Variants in SLC12A2 observed in about 807,000 individuals in gnomAD.
SLC12A2 encodes the protein solute carrier family 12 member 2, also known as Na-K-2Cl cotransporter 1.
SLC12A2 carries 67 observed loss-of-function variants against 136.3 expected under a neutral mutation model. That is an observed-to-expected ratio of 0.49 (90% CI 0.40 to 0.60). The LOEUF (loss-of-function observed/expected upper bound fraction) is 0.60, where lower values mean the gene tolerates loss of function less well. Among genes scored for constraint, SLC12A2 ranks in the 20% least tolerant of loss-of-function variants. SLC12A2 has a pLI of 0.00. For synonymous variants in SLC12A2, 619 were observed against 562.9 expected (o/e 1.10, Z -1.41); for missense variants, 1,322 against 1,534.7 (o/e 0.86, Z 2.32).
intron 4 of SLC12A2, among the ~76,000 whole-genome samples, chr5:128,126,477 C>A (rs1033037185): frequency 6.6e-6 from 1 of 152,042 alleles, no homozygotes; most frequent in Non-Finnish European, 1.5e-5. Flanking sequence ...TTTGGAAGTT[C>A]CTCAGAAAAC....
intron 1 of SLC12A2, among the ~76,000 whole-genome samples, chr5:128,100,865 G>C (rs530998841): frequency 2.4e-4 from 36 of 152,290 alleles, no homozygotes; most frequent in Non-Finnish European, 4.9e-4. Flanking sequence ...ACATTAGCAA[G>C]TTGTGTGGGA....
chr5:128,181,907 T>C (rs1032770320), intron 23 of SLC12A2, among the ~76,000 whole-genome samples: 6 of 152,052 alleles, frequency 3.9e-5, no homozygotes, highest in Admixed American at 2.6e-4. Context: ...AGCTCAGTTC[T>C]TCATAGTGCC....
intron 17 of SLC12A2, among the ~76,000 whole-genome samples, chr5:128,166,974 TGGC>T (rs1763225631): frequency 6.6e-6 from 1 of 152,018 alleles, no homozygotes; most frequent in Admixed American, 6.6e-5. Context: ...CAACCAACCA[TGGC>T]TTGAAATTAT....
chr5:128,106,169 C>A (rs9327468), intron 1 of SLC12A2, among the ~76,000 whole-genome samples: 125,485 of 152,228 alleles, frequency 0.82, 52,401 homozygotes, highest in African/African-American at 0.95. Flanking sequence ...ATTTAATAAA[C>A]CATTACCCAT....
At chr5:128,155,930 A>G (rs1048419212) in intron 15 of SLC12A2, among the ~76,000 whole-genome samples, 2 of 152,118 alleles carry the variant, frequency 1.3e-5, no homozygotes, top group East Asian at 3.9e-4. Flanking sequence ...TTCAGGGTTC[A>G]GTATATACAT....
In SLC12A2 at chr5:128,116,063, G is replaced by A. The variant is rs11741354; in HGVS notation, c.1048+1382G>A. On this transcript the variant is annotated intron_variant, in intron 4 of 26. Coordinates refer to ENST00000262461, the MANE Select transcript of SLC12A2 (RefSeq NM_001046.3). ...GTTGAGAGATTCTTTTTGGCTTCTC[G>A]TGAACTGGGTACTCCATGCTTCATT... Among the ~76,000 whole-genome samples the A allele has an allele frequency of 8.3e-3, 1,258 of 152,268 alleles. 9 individuals are homozygous for A. Among genetic ancestry groups the A allele is most frequent in the Non-Finnish European group, 0.012 (792 of 68,018 alleles).
intron 5 of SLC12A2, 40 bp from the exon 6 acceptor site, chr5:128,134,125 A>G: frequency 9.6e-7 from 1 of 1,036,516 alleles, no homozygotes; most frequent in Non-Finnish European, 1.5e-6. Flanking sequence ...GTATAAAAAT[A>G]ACTAGTATTG....
rs975655418 is a variant in SLC12A2, at chr5:128,084,082, C to G, written c.128C>G (p.Pro43Arg). 4 of 1,317,064 alleles carry G rather than the reference C, an allele frequency of 3.0e-6. No homozygotes were observed. Among genetic ancestry groups the G allele is most frequent in the East Asian group, 3.2e-5 (1 of 31,498 alleles). The allele number at this position is 1,317,064 out of a possible 1,614,324, so 81.6% of individuals were successfully genotyped here. The part of the protein sequence containing the change: ...ELPGTAVPSV[P>R]EDAAPASRDG... ...CCCGGCACGGCTGTGCCCTCGGTGC[C>G]GGAGGATGCTGCGCCCGCGAGCCGG... The change falls in exon 1 of 27, where the codon CCG (proline) becomes CGG (arginine). Residue 43 changes from proline to arginine, a missense_variant. Coordinates refer to ENST00000262461, the MANE Select transcript of SLC12A2 (RefSeq NM_001046.3). The surrounding 1 kb of genome is among the most constrained non-coding windows in gnomAD (Gnocchi z 5.6).
At position 128,084,266 on chromosome 5, in the gene SLC12A2, G is replaced by A; in HGVS notation, c.312G>A (p.Ala104=). 2 of 1,288,968 alleles carry A rather than the reference G, an allele frequency of 1.6e-6. No individual in the cohort carries two copies. The highest frequency in any genetic ancestry group is 3.0e-5 in the South Asian group (1 of 33,346). The allele number at this position is 1,288,968 out of a possible 1,614,324, so 79.8% of individuals were successfully genotyped here. Residue 104 remains alanine (A), a synonymous_variant, in exon 1 of 27, where the codon GCG becomes GCA. Coordinates refer to ENST00000262461, the MANE Select transcript of SLC12A2 (RefSeq NM_001046.3). This position sits in a 1 kb window ranked among gnomAD's most constrained non-coding sequence, Gnocchi z 5.6. ...AAAAAAAAAA[A]AAAGAGAGAK... ...CGGCGGCGGCGGCGGCGGCGGCAGC[G>A]GCGGCGGCTGGTGCTGGGGCGGGGG...
intron 16 of SLC12A2, among the ~76,000 whole-genome samples, chr5:128,159,369 A>G (rs1475229122): frequency 1.3e-5 from 2 of 152,236 alleles, no homozygotes; most frequent in Non-Finnish European, 2.9e-5. Context: ...CTAAAACACC[A>G]AAAGCAATGG....
At chr5:128,143,643 A>G (rs1762437421) in intron 10 of SLC12A2, among the ~76,000 whole-genome samples, 1 of 152,070 alleles carries the variant, frequency 6.6e-6, no homozygotes, top group Non-Finnish European at 1.5e-5. Flanking sequence ...AAGTCCTAGG[A>G]TGGTAGAAAG....
At chr5:128,146,374 A>G (rs1358119182) in intron 10 of SLC12A2, among the ~76,000 whole-genome samples, 1 of 151,740 alleles carries the variant, frequency 6.6e-6, no homozygotes, top group African/African-American at 2.4e-5. Flanking sequence ...GCATTTAGTT[A>G]TAGTGTCATT....
At chr5:128,161,849 G>T in intron 17 of SLC12A2, 49 bp downstream of exon 17, 1 of 1,275,510 alleles carries the variant, frequency 7.8e-7, no homozygotes, top group Non-Finnish European at 1.0e-6. Context: ...ATTTGTATAA[G>T]CTTTTTAAAA....
At chr5:128,088,062 T>C (rs1371276432) in intron 1 of SLC12A2, among the ~76,000 whole-genome samples, 1 of 149,952 alleles carries the variant, frequency 6.7e-6, no homozygotes. Context: ...CATATGTAAA[T>C]ATATATATTT....
At chr5:128,095,673 A>AT (rs903671045) in intron 1 of SLC12A2, among the ~76,000 whole-genome samples, 3 of 151,806 alleles carry the variant, frequency 2.0e-5, no homozygotes, top group East Asian at 1.9e-4. Context: ...ACATTATGAA[A>AT]TTTTTTTTGC....
chr5:128,172,512 A>G (rs1056105423), intron 19 of SLC12A2, among the ~76,000 whole-genome samples: 7 of 152,262 alleles, frequency 4.6e-5, no homozygotes, highest in Middle Eastern at 3.4e-3. Context: ...CCCCCTTTCT[A>G]CTTCCCACTA....
At chr5:128,087,377 T>C (rs1421501113) in intron 1 of SLC12A2, among the ~76,000 whole-genome samples, 1 of 152,204 alleles carries the variant, frequency 6.6e-6, no homozygotes, top group Non-Finnish European at 1.5e-5. Context: ...ACAAATAACA[T>C]AGTTAATAAC....
rs192461772 is a variant in SLC12A2 at position 128,148,532 on chromosome 5, G to C, written c.1882-222G>C. On this transcript the variant is annotated intron_variant, in intron 11 of 26. Transcript: ENST00000262461. ...TTCATAAAATTTAATTTCAACATGG[G>C]GATAGGGTAAGGCAGATAGAAGTTT... Among the ~76,000 whole-genome samples the C allele has an allele frequency of 2.4e-3, 367 of 151,782 alleles. 1 individual carries two copies. Among genetic ancestry groups the C allele is most frequent in the Non-Finnish European group, 3.7e-3 (248 of 67,712 alleles).
At chr5:128,176,971 C>A in intron 20 of SLC12A2, 134 bp from the exon 21 acceptor site, 1 of 509,878 alleles carries the variant, frequency 2.0e-6, no homozygotes, top group East Asian at 3.7e-5. Flanking sequence ...TATTAATCTT[C>A]AGTCTTGATT....
Sources: gnomAD v4.1 joint callset for allele counts (sites outside exome capture counted in the v4.1 genomes callset) on GRCh38, gnomAD v4.1.1 for gene constraint, Gnocchi (gnomAD v3.1) non-coding constraint, MANE v1.5 for transcripts, NCBI Gene and HGNC (gene_info 2026-07-23, HGNC 2026-07-21) for gene names.